Variants in ZFYVE9 observed in about 807,000 individuals in gnomAD.
The protein encoded by ZFYVE9 is zinc finger FYVE-type containing 9.
In ZFYVE9, 43 loss-of-function variants were observed where a neutral mutation model predicts 126.7. That is an observed-to-expected ratio of 0.34 (90% CI 0.27 to 0.44). The LOEUF (loss-of-function observed/expected upper bound fraction) is 0.44, where lower values mean the gene tolerates loss of function less well. ZFYVE9 is among the 20% of genes least tolerant of loss of function. The probability of loss-of-function intolerance (pLI) is 1.00; values close to 1 mark genes in which losing one functional copy is unlikely to be tolerated. For missense variants in ZFYVE9, 1,476 were observed against 1,697.0 expected (o/e 0.87, Z 2.29); for synonymous variants, 521 against 597.4 (o/e 0.87, Z 1.87).
intron 1 of ZFYVE9, among the ~76,000 whole-genome samples, chr1:52,160,998 A>G (rs1399803543): frequency 1.3e-5 from 2 of 151,992 alleles, no homozygotes; most frequent in Non-Finnish European, 2.9e-5. Flanking sequence ...TACTGATGAT[A>G]TTTTCTGTGA....
intron 3 of ZFYVE9, among the ~76,000 whole-genome samples, chr1:52,236,490 C>G (rs1442141156): frequency 1.3e-5 from 2 of 152,110 alleles, no homozygotes; most frequent in African/African-American, 4.8e-5. Flanking sequence ...ATCAGAGATA[C>G]TGGAGGAAGA....
intron 1 of ZFYVE9, among the ~76,000 whole-genome samples, chr1:52,158,229 C>G (rs148559190): frequency 6.6e-6 from 1 of 152,340 alleles, no homozygotes; most frequent in Non-Finnish European, 1.5e-5. Context: ...AAATCTAGCA[C>G]TGTGGTTTAT....
intron 1 of ZFYVE9, among the ~76,000 whole-genome samples, chr1:52,202,976 G>A (rs968893729): frequency 7.9e-5 from 12 of 152,054 alleles, no homozygotes; most frequent in African/African-American, 2.2e-4. Context: ...GTGAGCCACC[G>A]CGCACAGCCC....
rs1317830483 is a variant in ZFYVE9 at position 52,215,210 on chromosome 1, C to A, written c.-142-1159C>A. On this transcript the variant is annotated intron_variant, in intron 1 of 18. Coordinates refer to ENST00000287727, the MANE Select transcript of ZFYVE9 (RefSeq NM_004799.4). ...TACTTTACTTTCATTCTCATTTTGA[C>A]CTTGGTTTGTATTTTTATTCTTTCA... 3.3e-5 allele frequency among the ~76,000 whole-genome samples: 5 copies of A among 152,038 alleles called. No homozygotes were observed. The East Asian group carries it at 9.6e-4, about 29-fold the overall frequency.
At chr1:52,263,743 T>G in intron 4 of ZFYVE9, 30 bp from the exon 5 acceptor site, 1 of 1,176,262 alleles carries the variant, frequency 8.5e-7, no homozygotes, top group Non-Finnish European at 1.2e-6. Context: ...AAGTAAATTT[T>G]GTGTGTTCTT....
Position 52,245,932 on chromosome 1 carries a change from A to C in ZFYVE9, c.2178+6337A>C, listed in dbSNP as rs529662956. ...TGTCTGCATTTATGCCATAATTTTT[A>C]TTTTTAATTTTTGGAGACAGGGTCT... On this transcript the variant is annotated intron_variant, in intron 4 of 18. Coordinates refer to ENST00000287727, the MANE Select transcript of ZFYVE9 (RefSeq NM_004799.4). Among the ~76,000 whole-genome samples, 4 of 152,050 alleles carry C rather than the reference A, an allele frequency of 2.6e-5. No individual in the cohort carries two copies. In the East Asian group the frequency reaches 7.7e-4, roughly 29 times the overall value.
At chr1:52,163,363 T>A (rs1440614368) in intron 1 of ZFYVE9, among the ~76,000 whole-genome samples, 1 of 152,222 alleles carries the variant, frequency 6.6e-6, no homozygotes, top group African/African-American at 2.4e-5. Flanking sequence ...ATGAGACAAG[T>A]CTTGGCTCGA....
intron 13 of ZFYVE9, among the ~76,000 whole-genome samples, chr1:52,309,215 G>A (rs1015939345): frequency 2.0e-5 from 3 of 152,160 alleles, no homozygotes; most frequent in Admixed American, 6.5e-5. Flanking sequence ...GGTGACTCAC[G>A]CTTGTAATCC....
intron 10 of ZFYVE9, 22 bp downstream of exon 10, chr1:52,281,838 G>T: frequency 6.2e-7 from 1 of 1,612,996 alleles, no homozygotes; most frequent in Non-Finnish European, 8.5e-7. Flanking sequence ...TTATGACTTA[G>T]TCTGCTCCCT....
chr1:52,248,567 A>G (rs1645413539), intron 4 of ZFYVE9, among the ~76,000 whole-genome samples: 1 of 152,236 alleles, frequency 6.6e-6, no homozygotes, highest in Non-Finnish European at 1.5e-5. Context: ...GTTAACACTT[A>G]ATACTAATCA....
chr1:52,254,764 C>G (rs756186128), intron 4 of ZFYVE9, among the ~76,000 whole-genome samples: 7 of 151,928 alleles, frequency 4.6e-5, no homozygotes, highest in African/African-American at 1.7e-4. Flanking sequence ...CTCAGGAGTT[C>G]GAGACCAGCC....
chr1:52,145,351 G>A (rs956758153), intron 1 of ZFYVE9, among the ~76,000 whole-genome samples: 3 of 152,138 alleles, frequency 2.0e-5, no homozygotes, highest in African/African-American at 7.2e-5. Context: ...CCTTGTAAAC[G>A]TGCTAGCCAC....
At chr1:52,304,678 C>T (rs572934198) in intron 13 of ZFYVE9, among the ~76,000 whole-genome samples, 1 of 151,514 alleles carries the variant, frequency 6.6e-6, no homozygotes, top group South Asian at 2.1e-4. Flanking sequence ...ACATTATGTA[C>T]TTGGTATGCA....
intron 13 of ZFYVE9, among the ~76,000 whole-genome samples, chr1:52,311,028 G>C (rs1201656743): frequency 1.3e-5 from 2 of 152,090 alleles, no homozygotes; most frequent in Non-Finnish European, 2.9e-5. Context: ...ACTGTGCGCA[G>C]CTAATTTTTA....
In ZFYVE9 at chr1:52,346,067, A is replaced by T. The variant is rs769454524; in HGVS notation, c.4124A>T (p.Tyr1375Phe). ...TTTCTCTCTGTGGTATAGGTTGGCTATCAAGCAGGGAGCAATGGCCAGCCC... is the reference window on the plus strand; with the variant it reads ...TTTCTCTCTGTGGTATAGGTTGGCTTTCAAGCAGGGAGCAATGGCCAGCCC... ...RVTLDSDQVG[Y>F]QAGSNGQPLP... Residue 1375 changes from tyrosine (Y) to phenylalanine (F), a missense_variant, in exon 19 of 19, where the codon TAT (tyrosine) becomes TTT (phenylalanine). Transcript: ENST00000287727. 32 of 1,600,512 alleles carry T rather than the reference A, an allele frequency of 2.0e-5. No homozygotes were observed. The highest frequency in any genetic ancestry group is 4.0e-5 in the African/African-American group (3 of 74,434).
intron 1 of ZFYVE9, among the ~76,000 whole-genome samples, chr1:52,146,407 G>A (rs1244393803): frequency 6.6e-6 from 1 of 152,108 alleles, no homozygotes; most frequent in East Asian, 1.9e-4. Flanking sequence ...ATTTACTTAA[G>A]AACTGTTTTC....
chr1:52,238,671 A>G lies in ZFYVE9; in HGVS notation c.1254A>G (p.Glu418=). The change falls in exon 4 of 19, where the codon GAA becomes GAG. Residue 418 remains glutamate, a synonymous_variant. Transcript: ENST00000287727. The part of the protein sequence containing the change: ...NEMNDSQVNE[E]KEKFLQISQP... Reference sequence around the variant, plus strand: ...TGAATGATAGCCAAGTAAACGAAGAAAAGGAAAAGTTTCTACAGATTAGTC... The same window carrying G: ...TGAATGATAGCCAAGTAAACGAAGAGAAGGAAAAGTTTCTACAGATTAGTC... The G allele has an allele frequency of 6.2e-7, 1 of 1,614,112 alleles. No homozygotes were observed. Among genetic ancestry groups the G allele is most frequent in the Non-Finnish European group, 8.5e-7 (1 of 1,179,980 alleles).
intron 15 of ZFYVE9, chr1:52,334,990 G>GAGCTC: frequency 2.6e-6 from 1 of 387,354 alleles, no homozygotes. Flanking sequence ...TGGCCTTTCA[G>GAGCTC]AGCTCTGGGA....
chr1:52,263,972 A>C, intron 5 of ZFYVE9, 100 bp downstream of exon 5: 1 of 596,768 alleles, frequency 1.7e-6, no homozygotes, highest in Admixed American at 3.4e-5. Context: ...CAAGTTGCTC[A>C]CCTTCTCAAA....
Sources: gnomAD v4.1 joint callset for allele counts (sites outside exome capture counted in the v4.1 genomes callset) on GRCh38, gnomAD v4.1.1 for gene constraint, MANE v1.5 for transcripts, NCBI Gene and HGNC (gene_info 2026-07-23, HGNC 2026-07-21) for gene names.